The following NAALADL2 variants were observed in gnomAD, a reference collection of about 807,000 sequenced individuals.
NAALADL2 encodes the protein inactive N-acetylated-alpha-linked acidic dipeptidase-like protein 2.
NAALADL2 carries 76 observed loss-of-function variants against 87.2 expected under a neutral mutation model. That is an observed-to-expected ratio of 0.87 (90% CI 0.72 to 1.05). NAALADL2 has a LOEUF of 1.05. Among genes scored for constraint, NAALADL2 ranks in the 50% least tolerant of loss-of-function variants. The pLI, the probability that NAALADL2 is intolerant of heterozygous loss-of-function variation, is 0.00. For synonymous variants in NAALADL2, 354 were observed against 331.0 expected (o/e 1.07, Z -0.75); for missense variants, 1,089 against 945.8 (o/e 1.15, Z -1.99).
chr3:175,433,746 C>T (rs996724918), intron 5 of NAALADL2, among the ~76,000 whole-genome samples: 6 of 151,688 alleles, frequency 4.0e-5, no homozygotes, highest in Non-Finnish European at 5.9e-5. Flanking sequence ...TAAAGTACTT[C>T]GAAGAAATGT....
intron 13 of NAALADL2, among the ~76,000 whole-genome samples, chr3:175,779,493 C>T (rs372943847): frequency 2.6e-5 from 4 of 151,722 alleles, no homozygotes; most frequent in Admixed American, 6.6e-5. Flanking sequence ...TTCTTCCTAC[C>T]TCAATAGGGC....
chr3:175,584,179 A>G (rs908774065), intron 10 of NAALADL2, among the ~76,000 whole-genome samples: 16 of 152,102 alleles, frequency 1.1e-4, no homozygotes, highest in African/African-American at 3.9e-4. Context: ...CTGGGATTAC[A>G]GGCATGCACC....
At chr3:174,693,681 T>C (rs1728783773) in intron 2 of NAALADL2, among the ~76,000 whole-genome samples, 1 of 152,194 alleles carries the variant, frequency 6.6e-6, no homozygotes, top group South Asian at 2.1e-4. Flanking sequence ...ATTAGTAATA[T>C]GTTGGGGAGA....
At chr3:175,556,883 GAA>G (rs1317910823) in intron 9 of NAALADL2, among the ~76,000 whole-genome samples, 2 of 152,102 alleles carry the variant, frequency 1.3e-5, no homozygotes, top group African/African-American at 2.4e-5. Context: ...AACAGTTCAG[GAA>G]AAGTCTTACT....
chr3:174,508,801 A>G (rs1413134473), intron 1 of NAALADL2, among the ~76,000 whole-genome samples: 1 of 152,182 alleles, frequency 6.6e-6, no homozygotes, highest in Non-Finnish European at 1.5e-5. Flanking sequence ...TAATCCTAGC[A>G]CTTTGGGAGG....
intron 3 of NAALADL2, among the ~76,000 whole-genome samples, chr3:174,744,294 A>T (rs980434634): frequency 3.3e-5 from 5 of 151,862 alleles, no homozygotes; most frequent in Non-Finnish European, 7.4e-5. Flanking sequence ...CTTATGTCAG[A>T]GTGATGTGAT....
At chr3:174,589,727 A>G (rs1717149242) in intron 2 of NAALADL2, among the ~76,000 whole-genome samples, 1 of 152,186 alleles carries the variant, frequency 6.6e-6, no homozygotes, top group Non-Finnish European at 1.5e-5. Context: ...AACACTTTTG[A>G]AAATTTTTGA....
chr3:175,302,342 T>C (rs1374403793), intron 4 of NAALADL2, among the ~76,000 whole-genome samples: 5 of 152,318 alleles, frequency 3.3e-5, no homozygotes, highest in African/African-American at 4.8e-5. Context: ...GATTCACTTT[T>C]AGATCGTTAT....
At chr3:175,331,336 GAATGCA>G (rs1416293545) in intron 5 of NAALADL2, among the ~76,000 whole-genome samples, 3 of 152,076 alleles carry the variant, frequency 2.0e-5, no homozygotes, top group African/African-American at 7.2e-5. Flanking sequence ...AACCAGGCAA[GAATGCA>G]ACAACAAGAA....
intron 12 of NAALADL2, among the ~76,000 whole-genome samples, chr3:175,750,854 A>G (rs1281046625): frequency 3.3e-5 from 5 of 152,216 alleles, no homozygotes; most frequent in Admixed American, 3.3e-4. Context: ...TATTAAGATT[A>G]AAAATTTAAT....
intron 1 of NAALADL2, among the ~76,000 whole-genome samples, chr3:175,013,143 TA>T (rs1750225174): frequency 6.3e-5 from 5 of 79,692 alleles, no homozygotes; most frequent in South Asian, 3.7e-4. Flanking sequence ...TATAAATATG[TA>T]ATACATATTT....
chr3:175,355,326 T>G (rs1020161685), intron 5 of NAALADL2, among the ~76,000 whole-genome samples: 1 of 151,944 alleles, frequency 6.6e-6, no homozygotes, highest in Non-Finnish European at 1.5e-5. Flanking sequence ...CTCAGCCTCC[T>G]CCCAAAGTGC....
At chr3:175,794,086 G>A (rs1444847695) in intron 13 of NAALADL2, among the ~76,000 whole-genome samples, 2 of 152,174 alleles carry the variant, frequency 1.3e-5, no homozygotes, top group African/African-American at 4.8e-5. Context: ...GGTAATGGAG[G>A]TAACTAAAGA....
chr3:174,617,442 A>C (rs1258229951), intron 2 of NAALADL2, among the ~76,000 whole-genome samples: 4 of 151,634 alleles, frequency 2.6e-5, no homozygotes, highest in African/African-American at 9.7e-5. Context: ...TTACAGACAA[A>C]TTGTACAATT....
intron 1 of NAALADL2, among the ~76,000 whole-genome samples, chr3:175,051,569 G>A (rs1231966392): frequency 6.6e-6 from 1 of 152,170 alleles, no homozygotes; most frequent in Non-Finnish European, 1.5e-5. Flanking sequence ...TCTTCTTCAA[G>A]GTCAGCAGAA....
intron 1 of NAALADL2, among the ~76,000 whole-genome samples, chr3:174,904,012 T>C (rs1732654477): frequency 6.6e-6 from 1 of 151,704 alleles, no homozygotes; most frequent in African/African-American, 2.4e-5. Flanking sequence ...TATCTATATC[T>C]GTATCTATTT....
chr3:174,593,157 A>G (rs1418226098), intron 2 of NAALADL2, among the ~76,000 whole-genome samples: 1 of 152,152 alleles, frequency 6.6e-6, no homozygotes, highest in Non-Finnish European at 1.5e-5. Context: ...TATAATACAG[A>G]GAAATTTCCA....
intron 11 of NAALADL2, among the ~76,000 whole-genome samples, chr3:175,654,677 A>ATTACT (rs1445170579): frequency 1.3e-5 from 2 of 152,050 alleles, no homozygotes; most frequent in African/African-American, 4.8e-5. Context: ...GGCTTCACAG[A>ATTACT]TTTCTTTTCT....
In NAALADL2 at chr3:175,794,789, TA is replaced by T. The variant is rs199584909; in HGVS notation, c.2190-8209del. 3.7e-3 allele frequency among the ~76,000 whole-genome samples: 567 copies of T among 152,334 alleles called. 3 individuals are homozygous for T. The highest frequency in any genetic ancestry group is 0.013 in the African/African-American group (542 of 41,566). ...TCTCTTCAAGATGATAATTCATATTTAAAAAAATTATGCTGTGATGGTTTTC... is the reference window on the plus strand; with the variant it reads ...TCTCTTCAAGATGATAATTCATATTTAAAAAATTATGCTGTGATGGTTTTC... On this transcript the variant is annotated intron_variant, in intron 13 of 13. Transcript: ENST00000454872.
Sources: gnomAD v4.1 joint callset for allele counts (sites outside exome capture counted in the v4.1 genomes callset) on GRCh38, gnomAD v4.1.1 for gene constraint, MANE v1.5 for transcripts, NCBI Gene and HGNC (gene_info 2026-07-23, HGNC 2026-07-21) for gene names.